Variants in FCHSD2 observed in about 807,000 individuals in gnomAD.
FCHSD2 encodes the protein FCH and double SH3 domains 2, also known as F-BAR and double SH3 domains protein 2.
FCHSD2 carries 38 observed loss-of-function variants against 108.1 expected under a neutral mutation model. That is an observed-to-expected ratio of 0.35 (90% CI 0.27 to 0.46). FCHSD2 has a LOEUF of 0.46. Among genes scored for constraint, FCHSD2 ranks in the 20% least tolerant of loss-of-function variants. The pLI is 1.00. For missense variants in FCHSD2, 751 were observed against 897.8 expected (o/e 0.84, Z 2.09); for synonymous variants, 279 against 314.7 (o/e 0.89, Z 1.20).
chr11:73,142,173 G>A lies in FCHSD2; in HGVS notation c.-296C>T, dbSNP rs1380492961. The A allele has an allele frequency of 4.3e-6, 1 of 232,770 alleles. No individual in the cohort carries two copies. Among genetic ancestry groups the A allele is most frequent in the African/African-American group, 2.3e-5 (1 of 43,578 alleles). The allele number at this position is 232,770 out of a possible 1,614,324, so 14.4% of individuals were successfully genotyped here. On this transcript the variant is annotated 5_prime_UTR_variant, in exon 1 of 20. Transcript: ENST00000409418. ...AGACGGCGAGGGGGCGGGGGCCCCA[G>A]GAGCAGGGGCGCGAGGGTCTCAGCC...
intron 8 of FCHSD2, among the ~76,000 whole-genome samples, chr11:72,955,532 T>G (rs2135363771): frequency 6.6e-6 from 1 of 152,246 alleles, no homozygotes; most frequent in Non-Finnish European, 1.5e-5. Context: ...AGTAGGTGGG[T>G]GGGGTGGAGC....
chr11:72,910,796 C>T (rs867252256), intron 9 of FCHSD2, among the ~76,000 whole-genome samples: 10 of 148,096 alleles, frequency 6.8e-5, no homozygotes, highest in South Asian at 4.3e-4. Flanking sequence ...TCCCCCTCTC[C>T]GAGAAACACC....
intron 12 of FCHSD2, among the ~76,000 whole-genome samples, chr11:72,874,454 T>A (rs1337913116): frequency 2.0e-5 from 3 of 152,316 alleles, no homozygotes; most frequent in Non-Finnish European, 4.4e-5. Flanking sequence ...CCTCCCAAAA[T>A]GCTGGGATTA....
chr11:73,042,432 T>A (rs1420713698), intron 3 of FCHSD2, among the ~76,000 whole-genome samples: 2 of 152,222 alleles, frequency 1.3e-5, no homozygotes, highest in Admixed American at 1.3e-4. Context: ...TGTATTTATA[T>A]CAATACCATG....
At chr11:73,141,553 G>C (rs970639488) in intron 1 of FCHSD2, among the ~76,000 whole-genome samples, 1 of 152,248 alleles carries the variant, frequency 6.6e-6, no homozygotes, top group African/African-American at 2.4e-5. Context: ...GCAGCCCCGA[G>C]AATGCACTTT....
chr11:73,080,037 C>CTACCG (rs1859644163), intron 3 of FCHSD2, among the ~76,000 whole-genome samples: 1 of 152,034 alleles, frequency 6.6e-6, no homozygotes, highest in African/African-American at 2.4e-5. Context: ...GTAGCTCATG[C>CTACCG]CTCTAATCCC....
intron 8 of FCHSD2, among the ~76,000 whole-genome samples, chr11:72,954,903 G>A (rs1486716807): frequency 6.6e-6 from 1 of 152,016 alleles, no homozygotes; most frequent in Non-Finnish European, 1.5e-5. Flanking sequence ...GATATATACA[G>A]AAACAGATCT....
chr11:72,952,433 T>C (rs998778549), intron 8 of FCHSD2, among the ~76,000 whole-genome samples: 2 of 152,102 alleles, frequency 1.3e-5, no homozygotes, highest in Non-Finnish European at 2.9e-5. Flanking sequence ...CAAGTGATTC[T>C]CCTGCCTCAG....
At chr11:73,097,088 G>A (rs1231416764) in intron 2 of FCHSD2, among the ~76,000 whole-genome samples, 2 of 134,076 alleles carry the variant, frequency 1.5e-5, no homozygotes, top group African/African-American at 2.8e-5. Flanking sequence ...CTGCAGCCTC[G>A]ACCTCCCAGG....
At chr11:73,137,363 A>G (rs546052592) in intron 2 of FCHSD2, among the ~76,000 whole-genome samples, 130 of 152,310 alleles carry the variant, frequency 8.5e-4, no homozygotes, top group Non-Finnish European at 1.5e-3. Context: ...AGCACCAACA[A>G]TCTCTGTCTT....
intron 8 of FCHSD2, among the ~76,000 whole-genome samples, chr11:72,971,548 T>G (rs1280339858): frequency 6.6e-6 from 1 of 152,184 alleles, no homozygotes; most frequent in Non-Finnish European, 1.5e-5. Context: ...TACTGCTGGC[T>G]TGGTAATGGA....
Position 72,998,189 on chromosome 11 carries a change from A to G in FCHSD2, c.387+2801T>C, listed in dbSNP as rs78217242. ...GAGAGTTAAATGGAATTATCTTGCTAGAAGATTTTTATATTGTTCATGAGG... is the reference window on the plus strand; with the variant it reads ...GAGAGTTAAATGGAATTATCTTGCTGGAAGATTTTTATATTGTTCATGAGG... On this transcript the variant is annotated intron_variant, in intron 5 of 19. Transcript: ENST00000409418. Among the ~76,000 whole-genome samples, 667 of 152,316 alleles carry G rather than the reference A, an allele frequency of 4.4e-3. 2 individuals are homozygous for G. The highest frequency in any genetic ancestry group is 0.015 in the African/African-American group (633 of 41,570).
intron 8 of FCHSD2, among the ~76,000 whole-genome samples, chr11:72,967,637 A>T (rs1048125717): frequency 6.6e-6 from 1 of 152,156 alleles, no homozygotes; most frequent in Non-Finnish European, 1.5e-5. Flanking sequence ...ATGACAGCCA[A>T]TGGGGTATAG....
At chr11:73,137,789 C>T (rs1295818601) in intron 2 of FCHSD2, among the ~76,000 whole-genome samples, 1 of 152,106 alleles carries the variant, frequency 6.6e-6, no homozygotes, top group African/African-American at 2.4e-5. Flanking sequence ...ACCTGACGTC[C>T]CGAGTGACCA....
intron 3 of FCHSD2, among the ~76,000 whole-genome samples, chr11:73,033,511 C>T (rs796957387): frequency 7.2e-5 from 11 of 152,226 alleles, no homozygotes; most frequent in African/African-American, 2.6e-4. Flanking sequence ...TTTAGATCTA[C>T]TAGATGTAGC....
chr11:72,893,816 AGTT>A (rs1855367395), intron 10 of FCHSD2, among the ~76,000 whole-genome samples: 1 of 152,228 alleles, frequency 6.6e-6, no homozygotes, highest in Admixed American at 6.5e-5. Flanking sequence ...ACATTCATAA[AGTT>A]ATTAAATAAC....
chr11:72,900,395 G>A, intron 10 of FCHSD2: 1 of 1,030,178 alleles, frequency 9.7e-7, no homozygotes, highest in Non-Finnish European at 1.5e-6. Context: ...GGCAAACAAG[G>A]ACACAACACC....
At chr11:73,106,034 G>A (rs1860333749) in intron 2 of FCHSD2, among the ~76,000 whole-genome samples, 1 of 152,286 alleles carries the variant, frequency 6.6e-6, no homozygotes, top group African/African-American at 2.4e-5. Flanking sequence ...TAAAATCAGA[G>A]AACTGGGATG....
intron 9 of FCHSD2, among the ~76,000 whole-genome samples, chr11:72,907,598 G>GTTTTTTTTTTTTTTTTTTTTTTT (rs200788964): frequency 2.8e-5 from 2 of 72,714 alleles, no homozygotes; most frequent in Non-Finnish European, 4.9e-5. Flanking sequence ...TAATCACGTG[G>GTTTTTTTTTTTTTTTTTTTTTTT]GTTTTTTTTT....
Sources: gnomAD v4.1 joint callset for allele counts (sites outside exome capture counted in the v4.1 genomes callset) on GRCh38, gnomAD v4.1.1 for gene constraint, MANE v1.5 for transcripts, NCBI Gene and HGNC (gene_info 2026-07-23, HGNC 2026-07-21) for gene names.